Variants in TP53I13 observed in about 807,000 individuals in gnomAD.
The protein encoded by TP53I13 is tumor protein p53-inducible protein 13.
Under a neutral mutation model 39.1 loss-of-function variants are expected in TP53I13, and 27 were observed. That is an observed-to-expected ratio of 0.69 (90% confidence interval 0.51 to 0.95). TP53I13 has a LOEUF of 0.95. Among genes scored for constraint, TP53I13 ranks in the 40% least tolerant of loss-of-function variants. The pLI is 0.00. For synonymous variants in TP53I13, 230 were observed against 224.6 expected (o/e 1.02, Z -0.22); for missense variants, 544 against 520.4 (o/e 1.05, Z -0.44).
downstream of TP53I13, chr17:29,574,617 T>C (rs769143176): frequency 2.7e-6 from 3 of 1,108,134 alleles, no homozygotes; most frequent in Admixed American, 1.7e-5. Flanking sequence ...AGTGGCTCTG[T>C]TGGGGTGGGG....
At position 29,572,346 on chromosome 17, in the gene TP53I13, C is replaced by T; in HGVS notation, c.718C>T (p.Pro240Ser). 1 of 1,610,478 alleles carries T rather than the reference C, an allele frequency of 6.2e-7. No homozygotes were observed. Among genetic ancestry groups the T allele is most frequent in the Non-Finnish European group, 8.5e-7 (1 of 1,178,128 alleles). ...GGCCAAGCAGTCCATGGCGGGAATC[C>T]CTGGTAGGGAGAGTAATGCCCCATC... ...LKAKQSMAGI[P>S]GRESNAPSVP... The change falls in exon 6 of 7, where the codon CCT becomes TCT. Residue 240 changes from proline to serine, a missense_variant. By Grantham distance (74) the Pro-to-Ser change is moderately conservative. Transcript: ENST00000301057.
Position 29,572,221 on chromosome 17 carries a change from C to T in TP53I13, c.593C>T (p.Ser198Phe). Residue 198 changes from serine to phenylalanine, a missense_variant, in exon 6 of 7, where the codon TCT becomes TTT. Coordinates refer to ENST00000301057, the MANE Select transcript of TP53I13 (RefSeq NM_138349.4). ...ACATCTCAAGGGCCCAGGCAGCCCTCTTCTAGTGGTGCCAAGAGGCGGAGG... is the reference window on the plus strand; with the variant it reads ...ACATCTCAAGGGCCCAGGCAGCCCTTTTCTAGTGGTGCCAAGAGGCGGAGG... Reference protein sequence around the residue: ...EVTSQGPRQPSSSGAKRRRLR... With the variant: ...EVTSQGPRQPFSSGAKRRRLR... 1 of 1,612,280 alleles carries T rather than the reference C, an allele frequency of 6.2e-7. No homozygotes were observed. Among genetic ancestry groups the T allele is most frequent in the African/African-American group, 1.3e-5 (1 of 75,068 alleles).
chr17:29,578,066 G>A (rs61387867), downstream of TP53I13, among the ~76,000 whole-genome samples: 6,255 of 152,310 alleles, frequency 0.041, 395 homozygotes, highest in African/African-American at 0.14. Flanking sequence ...GGCTGCCAGA[G>A]CAAGAGGAGC....
At chr17:29,575,623 G>A (rs901290449), downstream of TP53I13, 9 of 1,610,198 alleles carry the variant, frequency 5.6e-6, no homozygotes, top group Non-Finnish European at 7.6e-6. This position sits in a 1 kb window ranked among gnomAD's most constrained non-coding sequence, Gnocchi z 5.5. Flanking sequence ...GACCCAGGGA[G>A]CCTCACCCCA....
At position 29,572,293 on chromosome 17, in the gene TP53I13, T is replaced by C. The variant is rs371931389; in HGVS notation, c.665T>C (p.Phe222Ser). ...CAGCCCACTCGCTCAGCCCTGAGGT[T>C]TCCCTCTGCTTCCCCAGGGAGCTTG... ...GPQPTRSALRFPSASPGSLKA... is the reference protein window; with the variant it reads ...GPQPTRSALRSPSASPGSLKA... Residue 222 changes from phenylalanine (F) to serine (S), a missense_variant, in exon 6 of 7, where the codon TTT becomes TCT. By Grantham distance (155) the Phe-to-Ser change is radical (BLOSUM62 -2). Coordinates refer to ENST00000301057, the MANE Select transcript of TP53I13 (RefSeq NM_138349.4). 62 of 1,612,804 alleles carry C rather than the reference T, an allele frequency of 3.8e-5. No homozygotes were observed. In the African/African-American group the frequency reaches 7.9e-4, roughly 20 times the overall value.
At chr17:29,577,804 G>A (rs2033266633), downstream of TP53I13, 2 of 991,638 alleles carry the variant, frequency 2.0e-6, no homozygotes, top group Non-Finnish European at 3.3e-6. Context: ...TGGGGGTGGG[G>A]AAGCACTGAG....
chr17:29,571,383 A>T (rs2032914492), intron 3 of TP53I13: 2 of 603,642 alleles, frequency 3.3e-6, no homozygotes, highest in Admixed American at 3.1e-5. Context: ...GTGGCACTTG[A>T]TGGAGAGGAA....
downstream of TP53I13, chr17:29,575,481 G>C: frequency 6.3e-7 from 1 of 1,595,586 alleles, no homozygotes; most frequent in Non-Finnish European, 8.5e-7. This position sits in a 1 kb window ranked among gnomAD's most constrained non-coding sequence, Gnocchi z 5.5. Flanking sequence ...CTGAGGCCCA[G>C]GTCCAGAAAA....
rs2032986444 is a variant in TP53I13, at chr17:29,572,503, G to C, written c.875G>C (p.Arg292Pro). 2.5e-6 allele frequency: 4 copies of C among 1,604,796 alleles called. No homozygotes were observed. Among genetic ancestry groups the C allele is most frequent in the Admixed American group, 1.7e-5 (1 of 59,130 alleles). ...VCSSQASPAP[R>P]AAAPPRAARG... ...TCAAGTCAGGCTTCCCCGGCCCCTCGCGCAGCAGCGCCTCCACGGGCAGCC... is the reference window on the plus strand; with the variant it reads ...TCAAGTCAGGCTTCCCCGGCCCCTCCCGCAGCAGCGCCTCCACGGGCAGCC... Residue 292 changes from arginine (R) to proline (P), a missense_variant, in exon 6 of 7, where the codon CGC becomes CCC. Coordinates refer to ENST00000301057, the MANE Select transcript of TP53I13 (RefSeq NM_138349.4).
chr17:29,581,465 G>T, the TP53I13 span: 1 of 1,079,970 alleles, frequency 9.3e-7, no homozygotes, highest in Non-Finnish European at 1.4e-6. This position sits in a 1 kb window ranked among gnomAD's most constrained non-coding sequence, Gnocchi z 4.8. Flanking sequence ...CATGAGCAGG[G>T]CTGGCACCCA....
Position 29,568,945 on chromosome 17 carries a change from G to A in TP53I13, c.73-73G>A. ...GGGACGCGGAGTTCTTCCGCTGGCGGGCTGGGCCTGGGGAGAGAGAGGGCA... is the reference window on the plus strand; with the variant it reads ...GGGACGCGGAGTTCTTCCGCTGGCGAGCTGGGCCTGGGGAGAGAGAGGGCA... On this transcript the variant is annotated intron_variant, in intron 1 of 6. Coordinates refer to ENST00000301057, the MANE Select transcript of TP53I13 (RefSeq NM_138349.4). The surrounding 1 kb of genome is among the most constrained non-coding windows in gnomAD (Gnocchi z 4.5). 6.3e-7 allele frequency: 1 copy of A among 1,594,014 alleles called. No individual in the cohort carries two copies. The highest frequency in any genetic ancestry group is 8.5e-7 in the Non-Finnish European group (1 of 1,172,212).
chr17:29,568,671 G>C, upstream of TP53I13: 1 of 913,292 alleles, frequency 1.1e-6, no homozygotes. This position sits in a 1 kb window ranked among gnomAD's most constrained non-coding sequence, Gnocchi z 4.5. Flanking sequence ...CGGGCGGCGC[G>C]GGGGCGCTGG....
the TP53I13 span, chr17:29,581,259 C>T: frequency 4.7e-6 from 5 of 1,065,596 alleles, no homozygotes; most frequent in Non-Finnish European, 7.3e-6. The surrounding 1 kb of genome is among the most constrained non-coding windows in gnomAD (Gnocchi z 4.8). Context: ...CCTCTGAAAC[C>T]TGGGCTGGGA....
downstream of TP53I13, chr17:29,575,493 A>T: frequency 6.3e-7 from 1 of 1,591,776 alleles, no homozygotes; most frequent in Non-Finnish European, 8.6e-7. This position sits in a 1 kb window ranked among gnomAD's most constrained non-coding sequence, Gnocchi z 5.5. Context: ...TCCAGAAAAC[A>T]GAGACAAAGA....
At chr17:29,577,979 G>GCC (rs2033271496), downstream of TP53I13, among the ~76,000 whole-genome samples, 1 of 152,242 alleles carries the variant, frequency 6.6e-6, no homozygotes, top group African/African-American at 2.4e-5. Context: ...CCCAGAGTTT[G>GCC]GGCTGGAATC....
the TP53I13 span, chr17:29,579,411 T>G: frequency 1.9e-5 from 4 of 215,328 alleles, no homozygotes; most frequent in Admixed American, 5.2e-5. Context: ...GGCACTGCAG[T>G]GATAACAGGT....
At chr17:29,580,652 C>T in the TP53I13 span, among the ~76,000 whole-genome samples, 2 of 152,210 alleles carry the variant, frequency 1.3e-5, no homozygotes, top group Admixed American at 1.3e-4. Flanking sequence ...TTAGTCACAT[C>T]CCTGAAGCCC....
At chr17:29,575,138 C>G, downstream of TP53I13, 1 of 1,597,672 alleles carries the variant, frequency 6.3e-7, no homozygotes, top group East Asian at 2.2e-5. This position sits in a 1 kb window ranked among gnomAD's most constrained non-coding sequence, Gnocchi z 5.5. Flanking sequence ...GAGCAGGGCA[C>G]GAAGCTGCGG....
Position 29,572,899 on chromosome 17 carries a change from G to C in TP53I13, c.1157G>C (p.Gly386Ala), listed in dbSNP as rs1270943052. The C allele has an allele frequency of 6.6e-7, 1 of 1,509,356 alleles. No homozygotes were observed. Among genetic ancestry groups the C allele is most frequent in the Non-Finnish European group, 8.8e-7 (1 of 1,136,150 alleles). The allele number at this position is 1,509,356 out of a possible 1,614,324, so 93.5% of individuals were successfully genotyped here. The change falls in exon 7 of 7, where the codon GGC becomes GCC. Residue 386 changes from glycine (G) to alanine (A), a missense_variant. Transcript: ENST00000301057. The stretch of plus-strand genomic sequence containing the variant: ...CTCCTCCCGCCCACGCCGGACAGCG[G>C]CCCGGAAGGCGAGAGCTCGGAGTGA... ...RPLLPPTPDS[G>A]PEGESSE is the part of the protein sequence containing the mutation.
Sources: allele counts gnomAD v4.1 joint callset (sites outside exome capture counted in the v4.1 genomes callset), GRCh38; gene constraint gnomAD v4.1.1; non-coding constraint Gnocchi (gnomAD v3.1); transcripts MANE v1.5; gene names NCBI Gene and HGNC (gene_info 2026-07-23, HGNC 2026-07-21).